The following ZNF521 variants were observed in gnomAD, a reference collection of about 807,000 sequenced individuals.
The protein encoded by ZNF521 is LYST-interacting protein 3.
Under a neutral mutation model 105.5 loss-of-function variants are expected in ZNF521, and 14 were observed. That is an observed-to-expected ratio of 0.13 (90% CI 0.09 to 0.21). The LOEUF (loss-of-function observed/expected upper bound fraction) is 0.21. Ranked by LOEUF, ZNF521 falls within the 10% of genes least tolerant of loss-of-function variation. The pLI is 1.00. For missense variants in ZNF521, 1,233 were observed against 1,629.7 expected (o/e 0.76, Z 4.19); for synonymous variants, 635 against 606.0 (o/e 1.05, Z -0.70).
At chr18:25,233,309 C>A (rs1350952968) in intron 3 of ZNF521, among the ~76,000 whole-genome samples, 1 of 151,894 alleles carries the variant, frequency 6.6e-6, no homozygotes, top group Non-Finnish European at 1.5e-5. Flanking sequence ...TTTAGAAAAG[C>A]TGTAACTTTA....
chr18:25,198,478 C>G (rs1403394841), intron 4 of ZNF521, among the ~76,000 whole-genome samples: 1 of 151,544 alleles, frequency 6.6e-6, no homozygotes, highest in Non-Finnish European at 1.5e-5. Context: ...TTTAGTCTTA[C>G]CAAATTTTAA....
chr18:25,278,354 A>G (rs959121974), intron 3 of ZNF521, among the ~76,000 whole-genome samples: 1 of 152,184 alleles, frequency 6.6e-6, no homozygotes, highest in African/African-American at 2.4e-5. Flanking sequence ...AACAAAGAGG[A>G]GATTCAAGTA....
chr18:25,300,379 T>C lies in ZNF521; in HGVS notation c.220+21629A>G, dbSNP rs182189467. Among the ~76,000 whole-genome samples, 5 of 152,344 alleles carry C rather than the reference T, an allele frequency of 3.3e-5. No homozygotes were observed. The East Asian group carries it at 9.7e-4, about 29-fold the overall frequency. Reference sequence around the variant, plus strand: ...TAAATAACTGTAACAATTTCTATAGTACTTTATTGTAGCAATATGATAGGT... The same window carrying C: ...TAAATAACTGTAACAATTTCTATAGCACTTTATTGTAGCAATATGATAGGT... On this transcript the variant is annotated intron_variant, in intron 3 of 7. Transcript: ENST00000361524.
chr18:25,238,876 C>T (rs1907111096), intron 3 of ZNF521, among the ~76,000 whole-genome samples: 3 of 152,114 alleles, frequency 2.0e-5, no homozygotes, highest in Non-Finnish European at 4.4e-5. Flanking sequence ...AGGATGGGGC[C>T]CAGAAATCTC....
intron 3 of ZNF521, among the ~76,000 whole-genome samples, chr18:25,269,240 T>C (rs1360415618): frequency 2.6e-5 from 4 of 151,910 alleles, no homozygotes; most frequent in Non-Finnish European, 5.9e-5. Flanking sequence ...AAGAGCTAAC[T>C]ATCCGAAATA....
At chr18:25,199,041 T>C (rs908760875) in intron 4 of ZNF521, among the ~76,000 whole-genome samples, 5 of 152,004 alleles carry the variant, frequency 3.3e-5, no homozygotes, top group East Asian at 1.9e-4. Context: ...ATATGAAGTA[T>C]ACATCACCAA....
At chr18:25,319,082 T>C (rs1369231819) in intron 3 of ZNF521, among the ~76,000 whole-genome samples, 1 of 152,142 alleles carries the variant, frequency 6.6e-6, no homozygotes, top group African/African-American at 2.4e-5. Context: ...TGGAGGCATA[T>C]TAAACACATA....
intron 4 of ZNF521, among the ~76,000 whole-genome samples, chr18:25,213,443 TA>T (rs1472616041): frequency 1.3e-5 from 2 of 151,918 alleles, no homozygotes; most frequent in African/African-American, 2.4e-5. Flanking sequence ...TGTGGTCAAT[TA>T]AATTAATTGA....
At chr18:25,090,402 G>A (rs1323940541) in intron 6 of ZNF521, among the ~76,000 whole-genome samples, 1 of 152,058 alleles carries the variant, frequency 6.6e-6, no homozygotes, top group Non-Finnish European at 1.5e-5. Flanking sequence ...TATTCTAATT[G>A]CCAGCCAACC....
intron 3 of ZNF521, among the ~76,000 whole-genome samples, chr18:25,236,727 T>C (rs1419425585): frequency 6.6e-6 from 1 of 152,106 alleles, no homozygotes; most frequent in Non-Finnish European, 1.5e-5. Flanking sequence ...AAAAATGAGA[T>C]TGGATTCCAA....
chr18:25,346,987 T>C (rs78623888), intron 2 of ZNF521, among the ~76,000 whole-genome samples: 2,162 of 152,324 alleles, frequency 0.014, 21 homozygotes, highest in Non-Finnish European at 0.019. Flanking sequence ...ACAGTGCTTT[T>C]TGGAGTAAAT....
intron 3 of ZNF521, among the ~76,000 whole-genome samples, chr18:25,293,351 T>TATAC (rs147739894): frequency 7.0e-6 from 1 of 143,128 alleles, no homozygotes; most frequent in Non-Finnish European, 1.5e-5. Flanking sequence ...CATGTACACA[T>TATAC]ACACACACAC....
intron 5 of ZNF521, among the ~76,000 whole-genome samples, chr18:25,189,298 T>A (rs1200015666): frequency 6.6e-6 from 1 of 152,216 alleles, no homozygotes; most frequent in Non-Finnish European, 1.5e-5. Flanking sequence ...TGCCCGCGTA[T>A]GTCCTTTCTA....
At chr18:25,179,488 G>A (rs1319151630) in intron 5 of ZNF521, among the ~76,000 whole-genome samples, 2 of 152,050 alleles carry the variant, frequency 1.3e-5, no homozygotes, top group Non-Finnish European at 2.9e-5. Flanking sequence ...GTGTGTGCAT[G>A]TGTGTATATG....
intron 3 of ZNF521, among the ~76,000 whole-genome samples, chr18:25,241,663 G>C (rs995748067): frequency 1.3e-5 from 2 of 151,962 alleles, no homozygotes; most frequent in Non-Finnish European, 2.9e-5. Context: ...GTAAGTCAAG[G>C]CTATTAAAAC....
chr18:25,227,329 T>G lies in ZNF521; in HGVS notation c.589A>C (p.Thr197Pro). 6.2e-7 allele frequency: 1 copy of G among 1,614,158 alleles called. No homozygotes were observed. The highest frequency in any genetic ancestry group is 8.5e-7 in the Non-Finnish European group (1 of 1,180,018). ...DHLKIHLKTH[T>P]SNKPYKCAIC... ...GCACATTTATATGGCTTGTTGGACG[T>G]GTGAGTCTTTAAGTGGATCTTCAAG... Residue 197 changes from threonine (T) to proline (P), a missense_variant, in exon 4 of 8, where the codon ACG becomes CCG. Thr to Pro is a conservative substitution (Grantham distance 38). Around this residue, in one of 6 missense-constraint regions of ZNF521, gnomAD observed 380 missense variants for 478.0 expected, o/e 0.80. Transcript: ENST00000361524. The surrounding 1 kb of genome is among the most constrained non-coding windows in gnomAD (Gnocchi z 5.7).
intron 5 of ZNF521, among the ~76,000 whole-genome samples, chr18:25,122,786 A>G (rs774652391): frequency 6.6e-6 from 1 of 152,278 alleles, no homozygotes; most frequent in East Asian, 1.9e-4. Context: ...AACTTGTAGT[A>G]TAAGTATTAT....
intron 3 of ZNF521, among the ~76,000 whole-genome samples, chr18:25,297,392 A>C (rs1911383763): frequency 6.6e-6 from 1 of 152,170 alleles, no homozygotes. Context: ...ACAATATTCA[A>C]GTTACAGCAA....
intron 2 of ZNF521, among the ~76,000 whole-genome samples, chr18:25,339,471 G>A (rs1457523860): frequency 6.6e-6 from 1 of 152,156 alleles, no homozygotes; most frequent in South Asian, 2.1e-4. Context: ...CCCTTCACAG[G>A]AATGGAAATT....
Sources: gnomAD v4.1 joint callset for allele counts (sites outside exome capture counted in the v4.1 genomes callset) on GRCh38, gnomAD v4.1.1 for gene constraint, gnomAD v4.1.1 regional missense constraint, Gnocchi (gnomAD v3.1) non-coding constraint, MANE v1.5 for transcripts, NCBI Gene and HGNC (gene_info 2026-07-23, HGNC 2026-07-21) for gene names.